Variants in KIF26B observed in about 807,000 individuals in gnomAD.
KIF26B encodes the protein kinesin-like protein KIF26B.
KIF26B carries 63 observed loss-of-function variants against 151.2 expected under a neutral mutation model. The ratio of observed to expected loss-of-function variants is 0.42; its 90% CI spans 0.34 to 0.51. The LOEUF (loss-of-function observed/expected upper bound fraction) is 0.51. Ranked by LOEUF, KIF26B falls within the 20% of genes least tolerant of loss-of-function variation. KIF26B has a pLI of 0.07. For missense variants in KIF26B, 2,813 were observed against 2,913.6 expected (o/e 0.97, Z 0.79); for synonymous variants, 1,357 against 1,262.1 (o/e 1.08, Z -1.59).
At chr1:245,311,301 G>C (rs1671661284) in intron 2 of KIF26B, among the ~76,000 whole-genome samples, 1 of 152,142 alleles carries the variant, frequency 6.6e-6, no homozygotes, top group Admixed American at 6.5e-5. Context: ...GGGTCTGCAG[G>C]GTCGTTGTCA....
chr1:245,529,082 G>A (rs1316969097), intron 4 of KIF26B, among the ~76,000 whole-genome samples: 1 of 152,140 alleles, frequency 6.6e-6, no homozygotes, highest in Non-Finnish European at 1.5e-5. Context: ...TTTTGCAGAT[G>A]GCGTCTTAGT....
At position 245,410,149 on chromosome 1, in the gene KIF26B, C is replaced by T. The variant is rs113258308; in HGVS notation, c.1000-9430C>T. On this transcript the variant is annotated intron_variant, in intron 3 of 14. Transcript: ENST00000407071. The stretch of plus-strand genomic sequence containing the variant: ...CCCCTGCCCATCTCCTCCCTCTTCT[C>T]CGAGCTTAGCTCCTCTCTGAGTTTC... 6.9e-3 allele frequency among the ~76,000 whole-genome samples: 1,048 copies of T among 152,292 alleles called. 12 individuals carry two copies. The highest frequency in any genetic ancestry group is 0.024 in the African/African-American group (980 of 41,552).
chr1:245,523,456 T>A (rs554757174), intron 4 of KIF26B, among the ~76,000 whole-genome samples: 120 of 152,308 alleles, frequency 7.9e-4, no homozygotes, highest in African/African-American at 2.7e-3. Context: ...TTAGTTCCTT[T>A]GGGTCGTTAT....
At chr1:245,653,190 G>A (rs948023671) in intron 10 of KIF26B, among the ~76,000 whole-genome samples, 13 of 152,156 alleles carry the variant, frequency 8.5e-5, no homozygotes, top group African/African-American at 3.1e-4. Context: ...CCAGGCTCAC[G>A]TTCACCAGCC....
At chr1:245,195,395 G>A (rs1442342486) in intron 2 of KIF26B, among the ~76,000 whole-genome samples, 3 of 152,192 alleles carry the variant, frequency 2.0e-5, no homozygotes, top group East Asian at 1.9e-4. Flanking sequence ...GAGGCGTGTC[G>A]TGATGGTGGG....
intron 4 of KIF26B, among the ~76,000 whole-genome samples, chr1:245,465,010 A>T (rs12354074): frequency 7.5e-6 from 1 of 133,930 alleles, no homozygotes; most frequent in Non-Finnish European, 1.6e-5. Context: ...ACTGAGTCTC[A>T]CTCTGTCGCC....
chr1:245,472,237 C>T (rs1211088759), intron 4 of KIF26B, among the ~76,000 whole-genome samples: 1 of 152,216 alleles, frequency 6.6e-6, no homozygotes, highest in African/African-American at 2.4e-5. Flanking sequence ...CGTACAGAAA[C>T]ACACAGCGCC....
chr1:245,413,293 A>G (rs576526890), intron 3 of KIF26B, among the ~76,000 whole-genome samples: 15 of 152,358 alleles, frequency 9.8e-5, no homozygotes, highest in African/African-American at 3.6e-4. Flanking sequence ...AGAATCATGT[A>G]TCTTTCACAG....
intron 10 of KIF26B, among the ~76,000 whole-genome samples, chr1:245,653,717 C>G (rs545897771): frequency 6.6e-6 from 1 of 152,220 alleles, no homozygotes; most frequent in East Asian, 1.9e-4. Flanking sequence ...TGGGGTACAA[C>G]AGAGGATCAA....
rs182889421 is a variant in KIF26B at position 245,313,686 on chromosome 1, C to T, written c.466-53148C>T. ...AGCATTCACACCACCTGGAATTAAT[C>T]GGGAAGAAAGTCGCAGTGTTTAGCA... On this transcript the variant is annotated intron_variant, in intron 2 of 14. Coordinates refer to ENST00000407071, the MANE Select transcript of KIF26B (RefSeq NM_018012.4). Among the ~76,000 whole-genome samples the T allele has an allele frequency of 3.9e-5, 6 of 152,298 alleles. No homozygotes were observed. In the East Asian group the frequency reaches 9.6e-4, roughly 24 times the overall value.
At chr1:245,248,656 G>A (rs1328468331) in intron 2 of KIF26B, among the ~76,000 whole-genome samples, 1 of 152,160 alleles carries the variant, frequency 6.6e-6, no homozygotes, top group Non-Finnish European at 1.5e-5. Context: ...CGCTTTTATG[G>A]TTAAACCTCC....
At chr1:245,561,951 C>G (rs777960307) in intron 5 of KIF26B, among the ~76,000 whole-genome samples, 1 of 152,090 alleles carries the variant, frequency 6.6e-6, no homozygotes, top group Admixed American at 6.6e-5. Flanking sequence ...TTTCTGTGGC[C>G]TGATTTTCTT....
Position 245,685,868 on chromosome 1 carries a change from G to T in KIF26B, c.2885G>T (p.Gly962Val). Reference protein sequence around the residue: ...AQFGPEQASRGPRLSQAAGAS... With the variant: ...AQFGPEQASRVPRLSQAAGAS... ...TTTGGGCCAGAGCAGGCAAGCAGAG[G>T]CCCCCGGTTAAGCCAAGCAGCGGGG... The change falls in exon 12 of 15, where the codon GGC becomes GTC. Residue 962 changes from glycine (G) to valine (V), a missense_variant. Gly to Val is a moderately radical substitution (Grantham distance 109). This residue lies in a region of KIF26B where 2,060 missense variants were observed against 2,088.6 expected (regional missense o/e 0.99). Coordinates refer to ENST00000407071, the MANE Select transcript of KIF26B (RefSeq NM_018012.4). The T allele has an allele frequency of 1.9e-6, 3 of 1,612,850 alleles. No homozygotes were observed. In the South Asian group the frequency reaches 3.3e-5, roughly 18 times the overall value.
intron 5 of KIF26B, among the ~76,000 whole-genome samples, chr1:245,549,781 T>A (rs1243887338): frequency 7.2e-6 from 1 of 139,370 alleles, no homozygotes; most frequent in Admixed American, 7.1e-5. Flanking sequence ...ATAATTCCGA[T>A]ACATTCTTTT....
At chr1:245,310,247 A>G (rs764469912) in intron 2 of KIF26B, among the ~76,000 whole-genome samples, 82 of 151,980 alleles carry the variant, frequency 5.4e-4, no homozygotes, top group Non-Finnish European at 9.3e-4. Flanking sequence ...CCATATGCCA[A>G]GAGAGATAGC....
chr1:245,229,734 G>A (rs527495706), intron 2 of KIF26B, among the ~76,000 whole-genome samples: 9 of 152,276 alleles, frequency 5.9e-5, no homozygotes, highest in African/African-American at 2.2e-4. Flanking sequence ...TAATACTTTG[G>A]ATTAAAACAA....
chr1:245,155,312 GCC>G lies in KIF26B; in HGVS notation c.-111_-110del. 1.2e-6 allele frequency: 1 copy of G among 816,450 alleles called. No homozygotes were observed. The highest frequency in any genetic ancestry group is 1.5e-5 in the South Asian group (1 of 64,604). The allele number at this position is 816,450 out of a possible 1,614,324, so 50.6% of individuals were successfully genotyped here. A position where few individuals can be genotyped will look rare whatever the true frequency, so the allele number is the denominator to read the frequency against. On this transcript the variant is annotated 5_prime_UTR_variant, in exon 1 of 15. Coordinates refer to ENST00000407071, the MANE Select transcript of KIF26B (RefSeq NM_018012.4). ...CCCACCCCACCGCTGAAGAAACCTTGCCCTGAGGGCTGAGAGCCAGCCCCCTG... is the reference window on the plus strand; with the variant it reads ...CCCACCCCACCGCTGAAGAAACCTTGCTGAGGGCTGAGAGCCAGCCCCCTG...
rs1450763908 is a variant in KIF26B at position 245,367,404 on chromosome 1, G to A, written c.999+37G>A. 2.6e-6 allele frequency: 4 copies of A among 1,536,242 alleles called. No individual in the cohort carries two copies. In the South Asian group the frequency reaches 4.8e-5, roughly 19 times the overall value. On this transcript the variant is annotated intron_variant, in intron 3 of 14. Transcript: ENST00000407071. The surrounding 1 kb of genome is among the most constrained non-coding windows in gnomAD (Gnocchi z 4.2). ...GTGTGAGCCAGGAAGAGCAGGGCTG[G>A]CTGGAGTCAAAGCGGAGAAGTAGGC...
chr1:245,593,183 T>A (rs575144082), intron 5 of KIF26B, among the ~76,000 whole-genome samples: 4 of 152,328 alleles, frequency 2.6e-5, no homozygotes, highest in South Asian at 4.1e-4. Flanking sequence ...TTTTGTTTTT[T>A]AATTATACTT....
Sources: gnomAD v4.1 joint callset for allele counts (sites outside exome capture counted in the v4.1 genomes callset) on GRCh38, gnomAD v4.1.1 for gene constraint, gnomAD v4.1.1 regional missense constraint, Gnocchi (gnomAD v3.1) non-coding constraint, MANE v1.5 for transcripts, NCBI Gene and HGNC (gene_info 2026-07-23, HGNC 2026-07-21) for gene names.